PEX5: variants seen among roughly 807,000 people sequenced by gnomAD.
PEX5 encodes the protein PTS1 receptor.
PEX5 carries 52 observed loss-of-function variants against 82.9 expected under a neutral mutation model. The observed-to-expected ratio is 0.63, with a 90% confidence interval of 0.50 to 0.79. The LOEUF is 0.79. Among genes scored for constraint, PEX5 ranks in the 30% least tolerant of loss-of-function variants. The pLI is 0.00. For synonymous variants in PEX5, 300 were observed against 318.8 expected (o/e 0.94, Z 0.63); for missense variants, 719 against 815.2 (o/e 0.88, Z 1.44).
chr12:7,193,915 C>T (rs1346660870), intron 5 of PEX5, among the ~76,000 whole-genome samples: 2 of 152,210 alleles, frequency 1.3e-5, no homozygotes, highest in Non-Finnish European at 2.9e-5. Context: ...GAGGCAGAGA[C>T]ATGCAAACCT....
intron 1 of PEX5, chr12:7,190,098 G>C: frequency 6.7e-7 from 1 of 1,489,546 alleles, no homozygotes; most frequent in Non-Finnish European, 8.8e-7. Context: ...GGCAGCTGCT[G>C]GCCCCCAGCC....
intron 3 of PEX5, 84 bp from the exon 4 acceptor site, chr12:7,191,142 A>G: frequency 6.7e-7 from 1 of 1,491,286 alleles, no homozygotes; most frequent in South Asian, 1.1e-5. Flanking sequence ...TGTATCTAAC[A>G]TTGGGATCCC....
chr12:7,208,089 A>G lies in PEX5; in HGVS notation c.1181+9A>G, dbSNP rs774173665. ...ATCAGTGCATTGCGGAGGTGAGTACACTGAAAGGTGTGGGTGAGGTGCTTC... is the reference window on the plus strand; with the variant it reads ...ATCAGTGCATTGCGGAGGTGAGTACGCTGAAAGGTGTGGGTGAGGTGCTTC... On this transcript the variant is annotated intron_variant, in intron 12 of 15. Transcript: ENST00000675855. The G allele has an allele frequency of 2.6e-5, 41 of 1,604,892 alleles. No individual in the cohort carries two copies. The highest frequency in any genetic ancestry group is 4.0e-5 in the African/African-American group (3 of 74,744).
At chr12:7,214,158 A>G (rs999720825), downstream of PEX5, among the ~76,000 whole-genome samples, 40 of 152,328 alleles carry the variant, frequency 2.6e-4, no homozygotes, top group African/African-American at 8.9e-4. Flanking sequence ...TGTGGAAGTC[A>G]GTGTGGTGAT....
chr12:7,208,880 T>C, intron 13 of PEX5, 125 bp from the exon 14 acceptor site: 1 of 993,406 alleles, frequency 1.0e-6, no homozygotes, highest in Non-Finnish European at 1.6e-6. Flanking sequence ...ACTTTGAGAG[T>C]AGAAGAGATG....
In PEX5 at chr12:7,189,931, G is replaced by A. The variant is rs969343395; in HGVS notation, c.-17+181G>A. The A allele has an allele frequency of 1.4e-5, 20 of 1,467,834 alleles. No individual in the cohort carries two copies. The African/African-American group carries it at 1.4e-4, about 11-fold the overall frequency. The allele number at this position is 1,467,834 out of a possible 1,614,324, so 90.9% of individuals were successfully genotyped here. A position where few individuals can be genotyped will look rare whatever the true frequency, so the allele number is the denominator to read the frequency against. On this transcript the variant is annotated intron_variant, in intron 1 of 15. Coordinates refer to ENST00000675855, the MANE Select transcript of PEX5 (RefSeq NM_001351132.2). ...AAGGGCTCCGGTGACTTAAGGGGAG[G>A]GAATGCTCCTCTGCCGTGCTCACCG...
intron 10 of PEX5, among the ~76,000 whole-genome samples, chr12:7,206,609 A>G (rs1277254019): frequency 1.3e-5 from 2 of 152,128 alleles, no homozygotes; most frequent in African/African-American, 4.8e-5. Flanking sequence ...TAAACCCCCC[A>G]TTGTAATTAT....
rs1399398487 is a variant in PEX5 at position 7,209,016 on chromosome 12, T to C, written c.1406T>C (p.Leu469Pro). Residue 469 changes from leucine to proline, a missense_variant, in exon 14 of 16, where the codon CTT becomes CCT. Leu to Pro is a moderately conservative substitution (Grantham distance 98). Transcript: ENST00000675855. ...LGSLLSDSLF[L>P]EVKELFLAAV... ...TCCTTTTCATCCAGCTCCCTGTTTC[T>C]TGAAGTGAAAGAGCTCTTCCTGGCA... The C allele has an allele frequency of 6.2e-7, 1 of 1,614,172 alleles. No individual in the cohort carries two copies. The highest frequency in any genetic ancestry group is 1.1e-5 in the South Asian group (1 of 91,086).
At chr12:7,208,344 A>T (rs899092878) in intron 12 of PEX5, 113 bp from the exon 13 acceptor site, 10 of 804,052 alleles carry the variant, frequency 1.2e-5, no homozygotes, top group African/African-American at 1.0e-4. Flanking sequence ...GAGGAGTCAC[A>T]GGTGAGGCCA....
downstream of PEX5, among the ~76,000 whole-genome samples, chr12:7,212,611 A>C (rs1398876896): frequency 2.6e-5 from 4 of 152,178 alleles, no homozygotes; most frequent in East Asian, 7.7e-4. Context: ...AGATGCTAAC[A>C]ATATAGTGAG....
In PEX5 at chr12:7,202,308, G is replaced by A. The variant is rs1011369978; in HGVS notation, c.710G>A (p.Arg237Gln). The A allele has an allele frequency of 1.2e-6, 2 of 1,614,124 alleles. No individual in the cohort carries two copies. Among genetic ancestry groups the A allele is most frequent in the Non-Finnish European group, 1.7e-6 (2 of 1,180,030 alleles). The change falls in exon 8 of 16, where the codon CGA becomes CAA. Residue 237 changes from arginine (R) to glutamine (Q), a missense_variant. Transcript: ENST00000675855. ...VSLESGAGSG[R>Q]AQAEQWAAEF... ...CTGGAGTCCGGTGCAGGGTCGGGCC[G>A]AGCTCAGGCAGAACAGTGGGCAGCA...
At chr12:7,192,860 T>G (rs1941407025) in intron 5 of PEX5, among the ~76,000 whole-genome samples, 1 of 152,240 alleles carries the variant, frequency 6.6e-6, no homozygotes, top group Non-Finnish European at 1.5e-5. Flanking sequence ...CCGAAGCCTA[T>G]CTGATCAGGG....
At chr12:7,212,431 A>ATT (rs200469509), downstream of PEX5, among the ~76,000 whole-genome samples, 2 of 133,638 alleles carry the variant, frequency 1.5e-5, no homozygotes, top group Non-Finnish European at 1.6e-5. Flanking sequence ...CCAAAGTCTA[A>ATT]TTTTTTTTTT....
chr12:7,193,930 A>C (rs1318506138), intron 5 of PEX5, among the ~76,000 whole-genome samples: 1 of 152,216 alleles, frequency 6.6e-6, no homozygotes, highest in Non-Finnish European at 1.5e-5. Context: ...AAACCTTAGA[A>C]TGGGAGTTGA....
chr12:7,211,778 A>G (rs941991878), downstream of PEX5, among the ~76,000 whole-genome samples: 1 of 152,136 alleles, frequency 6.6e-6, no homozygotes, highest in Non-Finnish European at 1.5e-5. Context: ...GGATTTTGAT[A>G]GTTTTTCAGT....
chr12:7,203,633 T>C, intron 10 of PEX5, 82 bp downstream of exon 10: 1 of 1,365,350 alleles, frequency 7.3e-7, no homozygotes, highest in Non-Finnish European at 1.0e-6. Flanking sequence ...ATTTGAAGGG[T>C]GCTTTTAAGT....
At chr12:7,197,289 T>TTATATATGTCATATATAATGTAA (rs1942777937) in intron 5 of PEX5, among the ~76,000 whole-genome samples, 1 of 134,752 alleles carries the variant, frequency 7.4e-6, no homozygotes, top group African/African-American at 2.9e-5. Flanking sequence ...AATGTAATAA[T>TTATATATGTCATATATAATGTAA]TATATATGTC....
intron 6 of PEX5, 115 bp from the exon 7 acceptor site, chr12:7,201,636 A>G: frequency 1.3e-6 from 1 of 793,980 alleles, no homozygotes; most frequent in South Asian, 1.4e-5. Flanking sequence ...TAGGTTCTCA[A>G]CAGGAGAATG....
chr12:7,213,058 T>A (rs1231923886), downstream of PEX5, among the ~76,000 whole-genome samples: 3 of 152,000 alleles, frequency 2.0e-5, no homozygotes. Flanking sequence ...TACAAACCAG[T>A]GCTCAAGGAA....
Sources: allele counts gnomAD v4.1 joint callset (sites outside exome capture counted in the v4.1 genomes callset), GRCh38; gene constraint gnomAD v4.1.1; transcripts MANE v1.5; gene names NCBI Gene and HGNC (gene_info 2026-07-23, HGNC 2026-07-21).